The following CYP2C19 variants were observed in gnomAD, a reference collection of about 807,000 sequenced individuals.
CYP2C19 encodes cytochrome P450 family 2 subfamily C member 19.
Under a neutral mutation model 40.9 loss-of-function variants are expected in CYP2C19, and 59 were observed. The ratio of observed to expected loss-of-function variants is 1.44; its 90% CI spans 1.17 to 1.79. The LOEUF (loss-of-function observed/expected upper bound fraction) is 1.79. Ranked by LOEUF, CYP2C19 falls within the 40% of genes most tolerant of loss-of-function variation. The pLI is 0.00. For missense variants in CYP2C19, 754 were observed against 596.9 expected (o/e 1.26, Z -2.74); for synonymous variants, 253 against 208.7 (o/e 1.21, Z -1.83).
At chr10:94,807,265 A>G (rs1194751597) in intron 5 of CYP2C19, among the ~76,000 whole-genome samples, 2 of 152,128 alleles carry the variant, frequency 1.3e-5, no homozygotes, top group Non-Finnish European at 2.9e-5. Context: ...GTATGTATAC[A>G]TACCACGTTT....
rs1346463929 is a variant in CYP2C19, at chr10:94,854,862, A to G, written c.*1948A>G. Among the ~76,000 whole-genome samples the G allele has an allele frequency of 6.6e-6, 1 of 152,216 alleles. No homozygotes were observed. Among genetic ancestry groups the G allele is most frequent in the African/African-American group, 2.4e-5 (1 of 41,464 alleles). The stretch of plus-strand genomic sequence containing the variant: ...AGAGTTAATAGAAGAGAAAGTGGAA[A>G]TGGGTATTACATTAATGGAAAGATA... On this transcript the variant is annotated 3_prime_UTR_variant, in exon 9 of 9. Coordinates refer to ENST00000371321, the MANE Select transcript of CYP2C19 (RefSeq NM_000769.4).
chr10:94,813,840 A>T (rs1370061567), intron 5 of CYP2C19, among the ~76,000 whole-genome samples: 2 of 150,090 alleles, frequency 1.3e-5, no homozygotes, highest in Non-Finnish European at 3.0e-5. Context: ...CATAAAAAAA[A>T]CCCCTCCAGC....
chr10:94,763,540 GA>G (rs1848201475), intron 1 of CYP2C19, among the ~76,000 whole-genome samples: 1 of 152,070 alleles, frequency 6.6e-6, no homozygotes. Context: ...TATGATATGT[GA>G]ATACACCTCA....
chr10:94,825,604 G>T (rs1310951920), intron 6 of CYP2C19, among the ~76,000 whole-genome samples: 2 of 115,834 alleles, frequency 1.7e-5, no homozygotes, highest in Non-Finnish European at 3.6e-5. Flanking sequence ...CCATTTTGTA[G>T]GTTGCCTGTT....
intron 5 of CYP2C19, among the ~76,000 whole-genome samples, chr10:94,798,814 A>ATTTTTTTTTTTTTTTTTTTTTT (rs61240923): frequency 5.9e-5 from 4 of 67,694 alleles, no homozygotes; most frequent in Non-Finnish European, 1.1e-4. Context: ...GCAACCCCTG[A>ATTTTTTTTTTTTTTTTTTTTTT]TTTTTTTTTT....
intron 6 of CYP2C19, among the ~76,000 whole-genome samples, chr10:94,829,041 T>A (rs1387993285): frequency 1.3e-5 from 2 of 152,342 alleles, no homozygotes; most frequent in Non-Finnish European, 2.9e-5. Context: ...CTGCTGTTAG[T>A]CAGATGGGCT....
intron 3 of CYP2C19, among the ~76,000 whole-genome samples, chr10:94,779,277 TA>T (rs1158103644): frequency 6.6e-6 from 1 of 152,086 alleles, no homozygotes; most frequent in Non-Finnish European, 1.5e-5. Context: ...GAACTTAAAG[TA>T]AAATTAAAAA....
intron 6 of CYP2C19, among the ~76,000 whole-genome samples, chr10:94,834,568 T>G (rs1159860745): frequency 6.6e-6 from 1 of 151,478 alleles, no homozygotes; most frequent in Admixed American, 6.6e-5. Flanking sequence ...TTTTTTTTTT[T>G]GTGCAGTTGC....
intron 5 of CYP2C19, among the ~76,000 whole-genome samples, chr10:94,816,735 C>G (rs531692444): frequency 3.0e-4 from 39 of 129,918 alleles, no homozygotes; most frequent in African/African-American, 1.0e-3. Flanking sequence ...CCCCTCCCCC[C>G]ACCCCACATC....
chr10:94,782,758 C>T (rs1175818217), intron 5 of CYP2C19, among the ~76,000 whole-genome samples: 2 of 152,134 alleles, frequency 1.3e-5, no homozygotes, highest in Non-Finnish European at 2.9e-5. Flanking sequence ...GGCACATATA[C>T]ACCATAAAAT....
chr10:94,771,842 G>A (rs1002829093), intron 1 of CYP2C19, among the ~76,000 whole-genome samples: 1 of 152,078 alleles, frequency 6.6e-6, no homozygotes, highest in Non-Finnish European at 1.5e-5. Flanking sequence ...TGCACTCACC[G>A]ACACAGCAGC....
chr10:94,823,005 G>A (rs1190086433), intron 6 of CYP2C19, among the ~76,000 whole-genome samples: 4 of 151,940 alleles, frequency 2.6e-5, no homozygotes, highest in Non-Finnish European at 5.9e-5. Context: ...GCTATGTAGA[G>A]TACAGGCAAT....
chr10:94,780,762 C>T, intron 4 of CYP2C19, 103 bp downstream of exon 4: 2 of 1,303,658 alleles, frequency 1.5e-6, no homozygotes, highest in Admixed American at 1.9e-5. Context: ...TTTTTGAATA[C>T]TACAGTCTTG....
chr10:94,837,168 T>A (rs1015779501), intron 6 of CYP2C19, among the ~76,000 whole-genome samples: 12 of 152,172 alleles, frequency 7.9e-5, no homozygotes, highest in African/African-American at 2.9e-4. Context: ...CTGATAATCC[T>A]AGATATTTCA....
chr10:94,823,185 C>T (rs948732416), intron 6 of CYP2C19, among the ~76,000 whole-genome samples: 8 of 152,038 alleles, frequency 5.3e-5, no homozygotes, highest in African/African-American at 1.4e-4. Context: ...TTTGGAAGTG[C>T]CAAGGGTCAA....
intron 6 of CYP2C19, among the ~76,000 whole-genome samples, chr10:94,826,856 T>G (rs1849233699): frequency 6.6e-6 from 1 of 151,978 alleles, no homozygotes; most frequent in Non-Finnish European, 1.5e-5. Context: ...TTATTGAGAG[T>G]TTTTAGCATG....
At position 94,854,195 on chromosome 10, in the gene CYP2C19, T is replaced by G. The variant is rs915075530; in HGVS notation, c.*1281T>G. ...CACCACACCAGGCTAATTTTTGTAT[T>G]TTTAGTAGAGACAGGGTTTCACTAT... is the stretch of plus-strand genomic sequence containing the variant. On this transcript the variant is annotated 3_prime_UTR_variant, in exon 9 of 9. Transcript: ENST00000371321. Among the ~76,000 whole-genome samples the G allele has an allele frequency of 6.6e-5, 10 of 152,040 alleles. No individual in the cohort carries two copies. The highest frequency in any genetic ancestry group is 3.4e-3 in the Middle Eastern group (1 of 294).
At chr10:94,810,056 A>G (rs1387397411) in intron 5 of CYP2C19, among the ~76,000 whole-genome samples, 1 of 151,990 alleles carries the variant, frequency 6.6e-6, no homozygotes, top group Non-Finnish European at 1.5e-5. Context: ...AATTTTTTGT[A>G]TCTTTAGTAG....
chr10:94,822,368 G>T (rs1263923374), intron 6 of CYP2C19, among the ~76,000 whole-genome samples: 1 of 152,104 alleles, frequency 6.6e-6, no homozygotes, highest in Non-Finnish European at 1.5e-5. Flanking sequence ...TCCCTCCCAT[G>T]ACATGTGGGA....
Sources: allele counts gnomAD v4.1 joint callset (sites outside exome capture counted in the v4.1 genomes callset), GRCh38; gene constraint gnomAD v4.1.1; transcripts MANE v1.5; gene names NCBI Gene and HGNC (gene_info 2026-07-23, HGNC 2026-07-21).